The following MCM3AP variants were observed in gnomAD, a reference collection of about 807,000 sequenced individuals.
MCM3AP encodes germinal-center associated nuclear protein.
MCM3AP carries 126 observed loss-of-function variants against 184.1 expected under a neutral mutation model. That is an observed-to-expected ratio of 0.68 (90% confidence interval 0.59 to 0.79). The LOEUF is 0.79. Among genes scored for constraint, MCM3AP ranks in the 30% least tolerant of loss-of-function variants. The pLI, the probability that MCM3AP is intolerant of heterozygous loss-of-function variation, is 0.00. For missense variants in MCM3AP, 2,496 were observed against 2,479.2 expected (o/e 1.01, Z -0.14); for synonymous variants, 1,002 against 979.3 (o/e 1.02, Z -0.43).
intron 9 of MCM3AP, among the ~76,000 whole-genome samples, chr21:46,268,604 G>A (rs537258213): frequency 3.3e-5 from 5 of 152,384 alleles, no homozygotes; most frequent in East Asian, 3.9e-4. Flanking sequence ...GCGGCTCTGC[G>A]AGTGTGGAAC....
intron 9 of MCM3AP, among the ~76,000 whole-genome samples, chr21:46,268,687 G>C (rs1308136483): frequency 2.0e-5 from 3 of 152,242 alleles, no homozygotes; most frequent in African/African-American, 7.2e-5. Context: ...GGCTGCCTCT[G>C]TGCGCCACTG....
intron 16 of MCM3AP, among the ~76,000 whole-genome samples, chr21:46,258,447 C>A (rs2080989599): frequency 6.6e-6 from 1 of 152,192 alleles, no homozygotes; most frequent in Non-Finnish European, 1.5e-5. Flanking sequence ...AGATTATGAT[C>A]ATTATTTTCC....
Position 46,285,440 on chromosome 21 carries a change from G to A in MCM3AP, c.-154C>T. 1 of 611,410 alleles carries A rather than the reference G, an allele frequency of 1.6e-6. No individual in the cohort carries two copies. The highest frequency in any genetic ancestry group is 2.7e-5 in the East Asian group (1 of 36,742). 37.9% of individuals were successfully genotyped at this position (611,410 alleles called of 1,614,324 possible). On this transcript the variant is annotated 5_prime_UTR_variant, in exon 1 of 28. Coordinates refer to ENST00000291688, the MANE Select transcript of MCM3AP (RefSeq NM_003906.5). ...TCATCATAGCTATGTTCTGCTACAA[G>A]TCTAAGAAAAGAATTTTTGAACACT... is the stretch of plus-strand genomic sequence containing the variant.
chr21:46,267,083 A>G lies in MCM3AP; in HGVS notation c.2688T>C (p.Ser896=), dbSNP rs1223204095. ...NFAYTVSTQR[S]TIFPLDGVVR... Reference sequence around the variant, plus strand: ...CCACACCATCCAGGGGAAAGATGGTAGATCGCTGTGTGCTCACCGTGTACG... The same window carrying G: ...CCACACCATCCAGGGGAAAGATGGTGGATCGCTGTGTGCTCACCGTGTACG... Residue 896 remains serine, a synonymous_variant, in exon 10 of 28, where the codon TCT becomes TCC. Coordinates refer to ENST00000291688, the MANE Select transcript of MCM3AP (RefSeq NM_003906.5). 3 of 1,614,024 alleles carry G rather than the reference A, an allele frequency of 1.9e-6. No individual in the cohort carries two copies. Among genetic ancestry groups the G allele is most frequent in the Non-Finnish European group, 2.5e-6 (3 of 1,180,012 alleles).
chr21:46,265,655 AC>A, intron 11 of MCM3AP, 132 bp from the exon 12 acceptor site: 1 of 783,472 alleles, frequency 1.3e-6, no homozygotes, highest in Non-Finnish European at 2.0e-6. Context: ...CCTCCAGGAG[AC>A]CAGCTACGTG....
chr21:46,245,321 G>T, intron 22 of MCM3AP, 124 bp from the exon 23 acceptor site: 1 of 829,554 alleles, frequency 1.2e-6, no homozygotes, highest in Non-Finnish European at 1.9e-6. Context: ...GCTCTCAACT[G>T]TGGTAGGAAG....
intron 2 of MCM3AP, among the ~76,000 whole-genome samples, chr21:46,282,494 C>A (rs1325937752): frequency 1.3e-5 from 2 of 152,150 alleles, no homozygotes; most frequent in Non-Finnish European, 2.9e-5. Context: ...ACGTTCACTG[C>A]ACCCTAGAAA....
Position 46,284,717 on chromosome 21 carries a change from G to A in MCM3AP, c.570C>T (p.Ala190=), listed in dbSNP as rs2081382625. The part of the protein sequence containing the change: ...HPISSAPGGL[A]PFSFPQVTSS... ...TTGTTACTTGAGGAAAAGAGAAAGG[G>A]GCCAGGCCTCCAGGTGCACTACTAA... The change falls in exon 1 of 28, where the codon GCC becomes GCT. Residue 190 remains alanine, a synonymous_variant. Coordinates refer to ENST00000291688, the MANE Select transcript of MCM3AP (RefSeq NM_003906.5). The A allele has an allele frequency of 6.2e-7, 1 of 1,613,992 alleles. No individual in the cohort carries two copies. Among genetic ancestry groups the A allele is most frequent in the Non-Finnish European group, 8.5e-7 (1 of 1,180,010 alleles).
Position 46,284,557 on chromosome 21 carries a change from T to C in MCM3AP, c.730A>G (p.Ser244Gly). Residue 244 changes from serine (S) to glycine (G), a missense_variant, in exon 1 of 28, where the codon AGT becomes GGT. Transcript: ENST00000291688. ...AAGCTACTGAAGCTATTATTAGAACTTCCAAATATTGACTTAGGTCCTCTC... is the reference window on the plus strand; with the variant it reads ...AAGCTACTGAAGCTATTATTAGAACCTCCAAATATTGACTTAGGTCCTCTC... Reference protein sequence around the residue: ...EKRGPKSIFGSSNNSFSSFPV... With the variant: ...EKRGPKSIFGGSNNSFSSFPV... The C allele has an allele frequency of 6.2e-7, 1 of 1,614,200 alleles. No homozygotes were observed. Among genetic ancestry groups the C allele is most frequent in the Non-Finnish European group, 8.5e-7 (1 of 1,180,028 alleles).
intron 4 of MCM3AP, 53 bp downstream of exon 4, chr21:46,279,940 G>C (rs2081308498): frequency 1.3e-6 from 2 of 1,555,920 alleles, no homozygotes; most frequent in Non-Finnish European, 1.7e-6. Context: ...TCGCTATAGG[G>C]CGCTATTTCC....
Position 46,285,388 on chromosome 21 carries a change from G to T in MCM3AP, c.-102C>A, listed in dbSNP as rs987098242. On this transcript the variant is annotated 5_prime_UTR_variant, in exon 1 of 28. Coordinates refer to ENST00000291688, the MANE Select transcript of MCM3AP (RefSeq NM_003906.5). ...ACTAGGGAGTTCCCCTTCGTCTTTA[G>T]AACAAGCTGAAAGAGAAAAATTCAG... The T allele has an allele frequency of 1.3e-6, 1 of 758,036 alleles. No homozygotes were observed. The highest frequency in any genetic ancestry group is 2.2e-6 in the Non-Finnish European group (1 of 451,314). The allele number at this position is 758,036 out of a possible 1,614,324, so 47.0% of individuals were successfully genotyped here.
chr21:46,243,252 C>A (rs978612634), intron 24 of MCM3AP, among the ~76,000 whole-genome samples: 2 of 152,112 alleles, frequency 1.3e-5, no homozygotes, highest in African/African-American at 4.8e-5. Flanking sequence ...TCCTAGGGGG[C>A]CTGTTTCAGG....
rs545967783 is a variant in MCM3AP at position 46,266,573 on chromosome 21, G to C, written c.2790-407C>G. 318 of 235,658 alleles carry C rather than the reference G, an allele frequency of 1.3e-3. 4 individuals are homozygous for C. Among genetic ancestry groups the C allele is most frequent in the Non-Finnish European group, 1.8e-4 (22 of 121,170 alleles). 14.6% of individuals were successfully genotyped at this position (235,658 alleles called of 1,614,324 possible). The stretch of plus-strand genomic sequence containing the variant: ...GAGTGTAAGCTGCCAGTTTCTGAGA[G>C]AGCGTCTGTGAGTCTCACCACTCTG... On this transcript the variant is annotated intron_variant, in intron 10 of 27. Coordinates refer to ENST00000291688, the MANE Select transcript of MCM3AP (RefSeq NM_003906.5).
chr21:46,245,192 C>T lies in MCM3AP; in HGVS notation c.4653G>A (p.Leu1551=). The part of the protein sequence containing the change: ...INDLQGSTKV[L]QAVQWLVSHC... ...GGGAAACCAGCCACTGCACTGCTTG[C>T]AAAACCTGAGAAGAAAGAAGAGACT... Residue 1551 remains leucine (L), a synonymous_variant, in exon 23 of 28, where the codon TTG becomes TTA. Coordinates refer to ENST00000291688, the MANE Select transcript of MCM3AP (RefSeq NM_003906.5). 2 of 1,588,512 alleles carry T rather than the reference C, an allele frequency of 1.3e-6. No homozygotes were observed. Among genetic ancestry groups the T allele is most frequent in the South Asian group, 2.3e-5 (2 of 88,506 alleles).
Position 46,283,691 on chromosome 21 carries a change from A to T in MCM3AP, c.1367T>A (p.Phe456Tyr), listed in dbSNP as rs1265057610. The change falls in exon 2 of 28, where the codon TTT becomes TAT. Residue 456 changes from phenylalanine to tyrosine, a missense_variant. By Grantham distance (22) the Phe-to-Tyr change is conservative (BLOSUM62 3). This residue lies in a region of MCM3AP where 800 missense variants were observed against 717.1 expected (regional missense o/e 1.12). Coordinates refer to ENST00000291688, the MANE Select transcript of MCM3AP (RefSeq NM_003906.5). ...LNDRTILENH[F>Y]GKIAKVQRIF... is the part of the protein sequence containing the mutation. ...GCGCTGCACTTTAGCAATTTTGCCAAAATGGTTCTCCAGAATGGTCCTGTC... is the reference window on the plus strand; with the variant it reads ...GCGCTGCACTTTAGCAATTTTGCCATAATGGTTCTCCAGAATGGTCCTGTC... The T allele has an allele frequency of 6.2e-7, 1 of 1,614,076 alleles. No individual in the cohort carries two copies. The highest frequency in any genetic ancestry group is 1.3e-5 in the African/African-American group (1 of 74,928).
At chr21:46,276,891 C>T (rs1333538308) in intron 5 of MCM3AP, among the ~76,000 whole-genome samples, 1 of 152,040 alleles carries the variant, frequency 6.6e-6, no homozygotes, top group Admixed American at 6.6e-5. Flanking sequence ...ATGCACACCA[C>T]CGCACCCAGC....
chr21:46,241,297 C>G, intron 25 of MCM3AP: 1 of 328,168 alleles, frequency 3.0e-6, no homozygotes, highest in Non-Finnish European at 5.6e-6. Flanking sequence ...CTTCTGCTCT[C>G]AAGAGGCAGC....
chr21:46,249,809 G>A (rs1469068299), intron 20 of MCM3AP: 1 of 272,794 alleles, frequency 3.7e-6, no homozygotes, highest in Admixed American at 5.2e-5. Context: ...ATCTCCACCA[G>A]ACAGCACCTG....
intron 26 of MCM3AP, 70 bp downstream of exon 26, chr21:46,240,741 C>T: frequency 7.3e-7 from 1 of 1,378,866 alleles, no homozygotes; most frequent in South Asian, 1.3e-5. Flanking sequence ...ATTAATCAAG[C>T]AATAACCAGT....
Sources: gnomAD v4.1 joint callset for allele counts (sites outside exome capture counted in the v4.1 genomes callset) on GRCh38, gnomAD v4.1.1 for gene constraint, gnomAD v4.1.1 regional missense constraint, MANE v1.5 for transcripts, NCBI Gene and HGNC (gene_info 2026-07-23, HGNC 2026-07-21) for gene names.